Variants in AFF2 observed in about 807,000 individuals in gnomAD.
The protein encoded by AFF2 is ALF transcription elongation factor 2.
Under a neutral mutation model 76.9 loss-of-function variants are expected in AFF2, and 14 were observed. That is an observed-to-expected ratio of 0.18 (90% CI 0.12 to 0.28). AFF2 has a LOEUF of 0.28. Among genes scored for constraint, AFF2 ranks in the 10% least tolerant of loss-of-function variants. AFF2 has a pLI of 1.00. For synonymous variants in AFF2, 398 were observed against 366.7 expected (o/e 1.09, Z -0.98); for missense variants, 868 against 1,001.1 (o/e 0.87, Z 1.79).
At chrX:148,914,252 G>A (rs1250738791) in intron 9 of AFF2, among the ~76,000 whole-genome samples, 4 of 111,456 alleles carry the variant, frequency 3.6e-5, no homozygotes, top group Non-Finnish European at 7.5e-5. Context: ...CAGATGCTGT[G>A]TTGTGAGCAA....
At chrX:148,675,386 A>C (rs1181350508) in intron 3 of AFF2, among the ~76,000 whole-genome samples, 1 of 111,404 alleles carries the variant, frequency 9.0e-6, no homozygotes, top group African/African-American at 3.3e-5. Flanking sequence ...GGATCATGTC[A>C]CTCACATCTT....
chrX:148,832,508 C>A (rs1027307700), intron 4 of AFF2, among the ~76,000 whole-genome samples: 2 of 112,228 alleles, frequency 1.8e-5, no homozygotes, highest in East Asian at 2.8e-4. Flanking sequence ...GAGCCTTGGG[C>A]AGATCCCAAG....
rs1275561008 is a variant in AFF2, at chrX:148,690,862, G to T, written c.1041+28094G>T. On this transcript the variant is annotated intron_variant, in intron 3 of 20. Coordinates refer to ENST00000370460, the MANE Select transcript of AFF2 (RefSeq NM_002025.4). ...TAGTCTAAAATAAAGGTGTCAGCAG[G>T]GTTGGTATCCTCTGAAGGTCTCTCT... is the stretch of plus-strand genomic sequence containing the variant. Among the ~76,000 whole-genome samples, 6 of 111,526 alleles carry T rather than the reference G, an allele frequency of 5.4e-5. No homozygotes were observed. The Admixed American group carries it at 5.7e-4, about 11-fold the overall frequency.
chrX:148,625,752 A>G (rs1431542926), intron 1 of AFF2, among the ~76,000 whole-genome samples: 1 of 111,824 alleles, frequency 8.9e-6, no homozygotes, highest in African/African-American at 3.2e-5. Flanking sequence ...GGGAAAGGTA[A>G]AATGCATTAG....
At chrX:148,529,849 T>A (rs1440471982) in intron 1 of AFF2, among the ~76,000 whole-genome samples, 1 of 111,801 alleles carries the variant, frequency 8.9e-6, no homozygotes, top group Non-Finnish European at 1.9e-5. Flanking sequence ...TTTCCTCTGT[T>A]GTTGGGAATG....
chrX:148,784,347 G>A (rs986203145), intron 3 of AFF2, among the ~76,000 whole-genome samples: 5 of 111,782 alleles, frequency 4.5e-5, no homozygotes, highest in Non-Finnish European at 1.9e-5. Context: ...CTGAACCCAC[G>A]ACTCAAGAAA....
At chrX:148,630,205 G>T (rs1029606493) in intron 1 of AFF2, among the ~76,000 whole-genome samples, 1 of 111,183 alleles carries the variant, frequency 9.0e-6, no homozygotes, top group Admixed American at 9.5e-5. Context: ...GAAGCATCTT[G>T]ATGAGGGAGG....
At chrX:148,560,836 TG>T (rs367867746) in intron 1 of AFF2, among the ~76,000 whole-genome samples, 1 of 110,186 alleles carries the variant, frequency 9.1e-6, no homozygotes, top group Admixed American at 9.7e-5. Flanking sequence ...AGTTTTTTTC[TG>T]GGGGGGGCAC....
intron 1 of AFF2, among the ~76,000 whole-genome samples, chrX:148,576,464 T>C (rs2053288371): frequency 8.9e-6 from 1 of 111,950 alleles, no homozygotes; most frequent in East Asian, 2.8e-4. Flanking sequence ...GCTATCAGGA[T>C]GATGTCAGTA....
intron 3 of AFF2, among the ~76,000 whole-genome samples, chrX:148,721,575 G>A (rs2055093146): frequency 8.9e-6 from 1 of 112,017 alleles, no homozygotes; most frequent in South Asian, 3.7e-4. Flanking sequence ...CCCTTCGTTA[G>A]GATGGCATCA....
chrX:148,882,637 C>G (rs1440522272), intron 7 of AFF2, among the ~76,000 whole-genome samples: 1 of 111,679 alleles, frequency 9.0e-6, no homozygotes, highest in African/African-American at 3.3e-5. Flanking sequence ...ATTATAACCT[C>G]ATGAAAAGAG....
chrX:148,536,218 A>C (rs1323708480), intron 1 of AFF2, among the ~76,000 whole-genome samples: 6 of 110,581 alleles, frequency 5.4e-5, no homozygotes, highest in African/African-American at 2.0e-4. Context: ...CTCAAAAAAA[A>C]AAAAAAGAAT....
chrX:148,557,358 T>C (rs1276152597), intron 1 of AFF2, among the ~76,000 whole-genome samples: 6 of 112,331 alleles, frequency 5.3e-5, no homozygotes, highest in African/African-American at 1.9e-4. Context: ...ACTTACGGCC[T>C]ATTTTGCTGT....
chrX:148,505,844 C>T (rs1437416605), intron 1 of AFF2, among the ~76,000 whole-genome samples: 1 of 111,463 alleles, frequency 9.0e-6, no homozygotes, highest in African/African-American at 3.3e-5. Context: ...TTTCTGATTG[C>T]TGTTGGATAA....
intron 1 of AFF2, among the ~76,000 whole-genome samples, chrX:148,547,976 G>A (rs782793520): frequency 1.8e-5 from 2 of 111,945 alleles, no homozygotes; most frequent in Non-Finnish European, 3.8e-5. Context: ...TGCTCATACC[G>A]CTAAGCTCTT....
In AFF2 at chrX:148,527,016, A is replaced by G. The variant is rs138131442; in HGVS notation, c.47+25872A>G. 6.3e-3 allele frequency among the ~76,000 whole-genome samples: 703 copies of G among 112,290 alleles called. 4 individuals carry two copies. The highest frequency in any genetic ancestry group is 0.02 in the African/African-American group (609 of 30,905). On this transcript the variant is annotated intron_variant, in intron 1 of 20. Transcript: ENST00000370460. ...GTGAAAGTTTGAGGAGTAATGAAAT[A>G]TTTACATAATTTCTAAGTATTTCCC... is the stretch of plus-strand genomic sequence containing the variant.
intron 9 of AFF2, among the ~76,000 whole-genome samples, chrX:148,913,716 C>T (rs994656581): frequency 9.8e-5 from 11 of 112,154 alleles, no homozygotes; most frequent in Non-Finnish European, 1.7e-4. Context: ...GCCTGGTCCA[C>T]GTGTTAGTTT....
intron 1 of AFF2, among the ~76,000 whole-genome samples, chrX:148,528,253 G>T (rs1257507927): frequency 1.8e-5 from 2 of 111,935 alleles, no homozygotes; most frequent in Non-Finnish European, 3.8e-5. Context: ...TGCCCTTACA[G>T]CTGTACCTCA....
At chrX:148,830,951 C>T (rs938303803) in intron 4 of AFF2, among the ~76,000 whole-genome samples, 5 of 111,788 alleles carry the variant, frequency 4.5e-5, no homozygotes, top group Middle Eastern at 4.6e-3. Flanking sequence ...AAAAGACAGA[C>T]TTTCCCAAAG....
Sources: allele counts gnomAD v4.1 joint callset (sites outside exome capture counted in the v4.1 genomes callset), GRCh38; gene constraint gnomAD v4.1.1; transcripts MANE v1.5; gene names NCBI Gene and HGNC (gene_info 2026-07-23, HGNC 2026-07-21).